The following CYP46A1 variants were observed in gnomAD, a reference collection of about 807,000 sequenced individuals.
CYP46A1 encodes cholesterol 24-hydroxylase.
In CYP46A1, 20 loss-of-function variants were observed where a neutral mutation model predicts 63.3. The observed-to-expected ratio is 0.32, with a 90% CI of 0.22 to 0.46. CYP46A1 has a LOEUF of 0.46. CYP46A1 is among the 20% of genes least tolerant of loss of function. The pLI is 1.00. For synonymous variants in CYP46A1, 268 were observed against 273.6 expected (o/e 0.98, Z 0.20); for missense variants, 445 against 670.8 (o/e 0.66, Z 3.72).
chr14:99,700,388 C>A (rs1286284483), intron 5 of CYP46A1, among the ~76,000 whole-genome samples: 1 of 152,198 alleles, frequency 6.6e-6, no homozygotes, highest in Non-Finnish European at 1.5e-5. Context: ...TCCAAGAGCT[C>A]CCCACATCAG....
chr14:99,703,743 G>A, intron 5 of CYP46A1: 1 of 950,910 alleles, frequency 1.1e-6, no homozygotes, highest in Non-Finnish European at 1.3e-6. Context: ...CCTGAAGGCA[G>A]AAGACGCACC....
At chr14:99,691,449 G>T (rs922837952) in intron 2 of CYP46A1, 15 of 578,116 alleles carry the variant, frequency 2.6e-5, no homozygotes, top group African/African-American at 2.2e-4. Flanking sequence ...TCATTGTTTG[G>T]TGTGTCACTT....
Position 99,706,487 on chromosome 14 carries a change from C to T in CYP46A1, c.444-160C>T, listed in dbSNP as rs117008319. Reference sequence around the variant, plus strand: ...CCAGGGTGTAGTTCAGTTACTACAACTCCAACCTGCAATCTGGGTCTCAAG... The same window carrying T: ...CCAGGGTGTAGTTCAGTTACTACAATTCCAACCTGCAATCTGGGTCTCAAG... On this transcript the variant is annotated intron_variant, in intron 5 of 14. Coordinates refer to ENST00000261835, the MANE Select transcript of CYP46A1 (RefSeq NM_006668.2). 3,988 of 857,854 alleles carry T rather than the reference C, an allele frequency of 4.6e-3. 16 individuals are homozygous for T. Among genetic ancestry groups the T allele is most frequent in the Non-Finnish European group, 5.3e-3 (2,929 of 555,056 alleles). The allele number at this position is 857,854 out of a possible 1,614,324, so 53.1% of individuals were successfully genotyped here.
At chr14:99,716,490 C>A (rs1364362319) in intron 9 of CYP46A1, among the ~76,000 whole-genome samples, 3 of 152,192 alleles carry the variant, frequency 2.0e-5, no homozygotes, top group Non-Finnish European at 4.4e-5. Flanking sequence ...TGTGGGGAGG[C>A]CTGCATTAGA....
intron 7 of CYP46A1, 88 bp downstream of exon 7, chr14:99,707,766 T>C: frequency 8.0e-7 from 1 of 1,254,096 alleles, no homozygotes. Flanking sequence ...TTTTTTTTTT[T>C]TTTCCCAGAA....
intron 5 of CYP46A1, among the ~76,000 whole-genome samples, chr14:99,700,430 T>C (rs1413316439): frequency 6.6e-6 from 1 of 152,218 alleles, no homozygotes; most frequent in Non-Finnish European, 1.5e-5. Context: ...GCTTCTTCTT[T>C]TATTCATTTG....
intron 3 of CYP46A1, among the ~76,000 whole-genome samples, chr14:99,698,789 G>A (rs2056606566): frequency 6.6e-6 from 1 of 152,168 alleles, no homozygotes; most frequent in South Asian, 2.1e-4. Context: ...TAACCACTGG[G>A]CAATCCTGCC....
rs1445251012 is a variant in CYP46A1, at chr14:99,685,633, G to C, written c.119+1097G>C. ...TTGTTGAATGAATGAATAAACAATTGTATTAGACACACTTTTTAAAATCTC... is the reference window on the plus strand; with the variant it reads ...TTGTTGAATGAATGAATAAACAATTCTATTAGACACACTTTTTAAAATCTC... On this transcript the variant is annotated intron_variant, in intron 1 of 14. Coordinates refer to ENST00000261835, the MANE Select transcript of CYP46A1 (RefSeq NM_006668.2). 2.0e-5 allele frequency among the ~76,000 whole-genome samples: 3 copies of C among 152,008 alleles called. No homozygotes were observed. The East Asian group carries it at 5.8e-4, about 29-fold the overall frequency.
At chr14:99,706,343 G>T in intron 5 of CYP46A1, 1 of 287,664 alleles carries the variant, frequency 3.5e-6, no homozygotes, top group Non-Finnish European at 6.6e-6. Context: ...TTTCTACACT[G>T]TCACGTCCCT....
chr14:99,717,307 G>A (rs985148062), intron 9 of CYP46A1, among the ~76,000 whole-genome samples: 1 of 152,114 alleles, frequency 6.6e-6, no homozygotes, highest in African/African-American at 2.4e-5. Flanking sequence ...ATGCTATGGG[G>A]GACTGGCCGA....
At chr14:99,699,102 G>A (rs973502508) in intron 3 of CYP46A1, among the ~76,000 whole-genome samples, 8 of 151,912 alleles carry the variant, frequency 5.3e-5, no homozygotes, top group Non-Finnish European at 7.4e-5. Context: ...TTCCTCTCCC[G>A]GAAGGGCTTC....
chr14:99,721,179 C>A, intron 10 of CYP46A1, 60 bp from the exon 11 acceptor site: 1 of 1,282,720 alleles, frequency 7.8e-7, no homozygotes, highest in Non-Finnish European at 1.1e-6. Context: ...CTTCTTAAAG[C>A]TAAGTAAGTC....
intron 6 of CYP46A1, among the ~76,000 whole-genome samples, chr14:99,707,255 T>C (rs1045381067): frequency 1.3e-5 from 2 of 152,200 alleles, no homozygotes; most frequent in South Asian, 4.1e-4. Flanking sequence ...TATTCCTTTA[T>C]CATTTTTGCT....
chr14:99,687,072 G>A (rs374940624), intron 1 of CYP46A1, among the ~76,000 whole-genome samples: 1 of 152,208 alleles, frequency 6.6e-6, no homozygotes, highest in East Asian at 1.9e-4. Context: ...GAACCCTCTC[G>A]CTGCAAGAGG....
intron 1 of CYP46A1, among the ~76,000 whole-genome samples, chr14:99,689,879 C>T (rs1217965687): frequency 6.6e-6 from 1 of 152,230 alleles, no homozygotes; most frequent in East Asian, 1.9e-4. Flanking sequence ...CCCATCTCTG[C>T]TCTGCTCAAA....
chr14:99,699,103 GAAGGGCTT>G (rs1199576510), intron 3 of CYP46A1, among the ~76,000 whole-genome samples: 2 of 152,022 alleles, frequency 1.3e-5, no homozygotes, highest in Non-Finnish European at 2.9e-5. Context: ...TCCTCTCCCG[GAAGGGCTT>G]CTCCCCTTCT....
intron 7 of CYP46A1, chr14:99,710,780 A>G (rs1442435813): frequency 6.6e-6 from 1 of 152,162 alleles, no homozygotes; most frequent in East Asian, 1.9e-4. Flanking sequence ...AAATCATCAC[A>G]GAAACATTGG....
intron 5 of CYP46A1, chr14:99,703,748 C>T (rs147275822): frequency 5.3e-6 from 5 of 946,314 alleles, no homozygotes; most frequent in African/African-American, 1.8e-5. Flanking sequence ...AGGCAGAAGA[C>T]GCACCCTGTC....
chr14:99,715,563 G>A (rs2056780737), intron 7 of CYP46A1, among the ~76,000 whole-genome samples: 1 of 152,150 alleles, frequency 6.6e-6, no homozygotes, highest in Non-Finnish European at 1.5e-5. Context: ...GCAGGGCCAC[G>A]TGGATGTTTT....
Sources: allele counts gnomAD v4.1 joint callset (sites outside exome capture counted in the v4.1 genomes callset), GRCh38; gene constraint gnomAD v4.1.1; transcripts MANE v1.5; gene names NCBI Gene and HGNC (gene_info 2026-07-23, HGNC 2026-07-21).